APBA2: variants seen among roughly 807,000 people sequenced by gnomAD.
APBA2 encodes the protein amyloid beta precursor protein binding family A member 2.
In APBA2, 30 loss-of-function variants were observed where a neutral mutation model predicts 75.0. The observed-to-expected ratio is 0.40, with a 90% CI of 0.30 to 0.54. The LOEUF (loss-of-function observed/expected upper bound fraction) is 0.54. Ranked by LOEUF, APBA2 falls within the 20% of genes least tolerant of loss-of-function variation. APBA2 has a pLI of 0.49. For missense variants in APBA2, 801 were observed against 1,016.1 expected (o/e 0.79, Z 2.88); for synonymous variants, 444 against 409.6 (o/e 1.08, Z -1.01).
At chr15:28,901,908 A>ATGCGTGTGTGTGTGTGTGTGTG (rs2032880416) in intron 1 of APBA2, among the ~76,000 whole-genome samples, 1 of 67,378 alleles carries the variant, frequency 1.5e-5, no homozygotes. Flanking sequence ...GGAGCTTTTG[A>ATGCGTGTGTGTGTGTGTGTGTG]TGTGTGTGTG....
At chr15:28,957,581 C>T (rs561117669) in intron 2 of APBA2, among the ~76,000 whole-genome samples, 3 of 152,274 alleles carry the variant, frequency 2.0e-5, no homozygotes, top group South Asian at 2.1e-4. Flanking sequence ...GTTTTTCAAT[C>T]GTGGCCACCC....
At chr15:28,969,090 G>A (rs1566855153) in intron 2 of APBA2, among the ~76,000 whole-genome samples, 1 of 148,902 alleles carries the variant, frequency 6.7e-6, no homozygotes, top group Non-Finnish European at 1.5e-5. Context: ...GCGCAACATA[G>A]GGAGACCCTG....
intron 2 of APBA2, among the ~76,000 whole-genome samples, chr15:28,973,432 A>G (rs1018725809): frequency 2.0e-5 from 3 of 152,224 alleles, no homozygotes; most frequent in African/African-American, 7.2e-5. Context: ...TTAAAATTAC[A>G]GATCCAGTTA....
At chr15:29,013,321 C>G (rs915849819) in intron 3 of APBA2, among the ~76,000 whole-genome samples, 7 of 148,146 alleles carry the variant, frequency 4.7e-5, no homozygotes, top group African/African-American at 1.7e-4. Context: ...GCTCTTTCGC[C>G]CAGGCCGGAC....
At chr15:28,976,303 T>C (rs1489854892) in intron 2 of APBA2, among the ~76,000 whole-genome samples, 2 of 152,250 alleles carry the variant, frequency 1.3e-5, no homozygotes, top group East Asian at 1.9e-4. Flanking sequence ...CATTCATCCA[T>C]TGCAATCTTC....
intron 3 of APBA2, among the ~76,000 whole-genome samples, chr15:29,038,362 G>A (rs1381250812): frequency 1.3e-5 from 2 of 152,202 alleles, no homozygotes; most frequent in Non-Finnish European, 2.9e-5. Flanking sequence ...CTATGGAGAA[G>A]CTCAGAGGAT....
chr15:29,092,577 G>A (rs2152951295), intron 6 of APBA2, among the ~76,000 whole-genome samples: 1 of 152,162 alleles, frequency 6.6e-6, no homozygotes, highest in Non-Finnish European at 1.5e-5. Context: ...GCCAAGCCTG[G>A]GCCTGCGGTG....
chr15:29,073,385 G>A (rs776330043), intron 4 of APBA2, among the ~76,000 whole-genome samples: 3 of 152,184 alleles, frequency 2.0e-5, no homozygotes, highest in Non-Finnish European at 4.4e-5. Context: ...GAATCTCACT[G>A]TGTTGCCCAG....
At chr15:29,049,341 G>A (rs953957651) in intron 3 of APBA2, among the ~76,000 whole-genome samples, 6 of 152,090 alleles carry the variant, frequency 3.9e-5, no homozygotes, top group Non-Finnish European at 5.9e-5. Context: ...ACTTTCTGAT[G>A]GGTTAAATAT....
At chr15:28,900,499 C>A (rs774534662) in intron 1 of APBA2, among the ~76,000 whole-genome samples, 4 of 152,232 alleles carry the variant, frequency 2.6e-5, no homozygotes, top group Non-Finnish European at 5.9e-5. Context: ...GCTTTGTCAT[C>A]TTCTTTCCAG....
At chr15:29,097,168 G>C (rs1191365241) in intron 8 of APBA2, among the ~76,000 whole-genome samples, 1 of 152,260 alleles carries the variant, frequency 6.6e-6, no homozygotes, top group Non-Finnish European at 1.5e-5. Context: ...CAGAAGGAAA[G>C]GCTGACATTT....
chr15:29,015,038 T>C (rs1289276300), intron 3 of APBA2, among the ~76,000 whole-genome samples: 1 of 152,168 alleles, frequency 6.6e-6, no homozygotes, highest in South Asian at 2.1e-4. Flanking sequence ...CTAATGAGGT[T>C]GTGTTGCAGA....
Position 29,046,702 on chromosome 15 carries a change from G to A in APBA2, c.-40-7143G>A, listed in dbSNP as rs2041351478. Among the ~76,000 whole-genome samples, 1 of 152,194 alleles carries A rather than the reference G, an allele frequency of 6.6e-6. No homozygotes were observed. ...CCTGCACACTCTCCAGGTGGGCCTT[G>A]TGCCCACCAAAGTGAGCGAATCACT... is the stretch of plus-strand genomic sequence containing the variant. On this transcript the variant is annotated intron_variant, in intron 3 of 14. Transcript: ENST00000683413. The surrounding 1 kb of genome is among the most constrained non-coding windows in gnomAD (Gnocchi z 5.0).
chr15:29,033,522 ACTT>A (rs1261627050), intron 3 of APBA2, among the ~76,000 whole-genome samples: 3 of 152,002 alleles, frequency 2.0e-5, no homozygotes, highest in African/African-American at 7.3e-5. Context: ...GCCCATCCTT[ACTT>A]CTTACCAGCT....
At chr15:29,063,316 G>A (rs1229225946) in intron 4 of APBA2, among the ~76,000 whole-genome samples, 4 of 140,110 alleles carry the variant, frequency 2.9e-5, no homozygotes, top group Admixed American at 7.0e-5. Flanking sequence ...TATGGGTGAT[G>A]CGGGGAGTTG....
chr15:28,978,945 CA>C lies in APBA2; in HGVS notation c.-94-16807del, dbSNP rs1335010551. Among the ~76,000 whole-genome samples the C allele has an allele frequency of 6.4e-4, 97 of 152,364 alleles. 2 individuals carry two copies. The highest frequency in any genetic ancestry group is 2.8e-4 in the Non-Finnish European group (19 of 68,034). On this transcript the variant is annotated intron_variant, in intron 2 of 14. Coordinates refer to ENST00000683413, the MANE Select transcript of APBA2 (RefSeq NM_001353788.2). ...CCAAAGGGCTCTATGCCCGGCAGGT[CA>C]GGGGACAAGAAGTTCTTAAAATCCT...
chr15:29,101,592 C>T lies in APBA2; in HGVS notation c.1339-7C>T. On this transcript the variant is annotated splice_polypyrimidine_tract_variant and splice_region_variant and intron_variant, in intron 9 of 14. Coordinates refer to ENST00000683413, the MANE Select transcript of APBA2 (RefSeq NM_001353788.2). ...TCCCTGACGTGGCACTGTCTCCCTC[C>T]CGACAGGAAACCATGATGGACCACG... The T allele has an allele frequency of 6.2e-7, 1 of 1,612,350 alleles. No individual in the cohort carries two copies. The highest frequency in any genetic ancestry group is 8.5e-7 in the Non-Finnish European group (1 of 1,179,474).
intron 3 of APBA2, among the ~76,000 whole-genome samples, chr15:29,051,248 C>T (rs1304036180): frequency 6.6e-6 from 1 of 152,170 alleles, no homozygotes; most frequent in Non-Finnish European, 1.5e-5. Context: ...TTAGTGAGTG[C>T]TGGCCCCTTG....
At position 29,114,670 on chromosome 15, in the gene APBA2, GGTAA is replaced by G. The variant is rs375567830; in HGVS notation, c.2178+657_2178+660del. On this transcript the variant is annotated intron_variant, in intron 14 of 14. Coordinates refer to ENST00000683413, the MANE Select transcript of APBA2 (RefSeq NM_001353788.2). Reference sequence around the variant, plus strand: ...GTGTGGGATGTGATGTATGAGTGTGGGTAAGTGTGGGTAGGTGTGGGAAATGAGT... The same window carrying G: ...GTGTGGGATGTGATGTATGAGTGTGGGTGTGGGTAGGTGTGGGAAATGAGT... Among the ~76,000 whole-genome samples, 76 of 151,344 alleles carry G rather than the reference GGTAA, an allele frequency of 5.0e-4. 2 individuals carry two copies. The East Asian group carries it at 7.4e-3, about 15-fold the overall frequency.
Sources: gnomAD v4.1 joint callset for allele counts (sites outside exome capture counted in the v4.1 genomes callset) on GRCh38, gnomAD v4.1.1 for gene constraint, Gnocchi (gnomAD v3.1) non-coding constraint, MANE v1.5 for transcripts, NCBI Gene and HGNC (gene_info 2026-07-23, HGNC 2026-07-21) for gene names.